TENM2: variants seen among roughly 807,000 people sequenced by gnomAD.
TENM2 encodes the protein teneurin-2.
In TENM2, 52 loss-of-function variants were observed where a neutral mutation model predicts 245.2. The ratio of observed to expected loss-of-function variants is 0.21; its 90% CI spans 0.17 to 0.27. The LOEUF (loss-of-function observed/expected upper bound fraction) is 0.27, where lower values mean the gene tolerates loss of function less well. Among genes scored for constraint, TENM2 ranks in the 10% least tolerant of loss-of-function variants. TENM2 has a pLI of 1.00. For missense variants in TENM2, 3,046 were observed against 3,666.8 expected (o/e 0.83, Z 4.37); for synonymous variants, 1,363 against 1,438.9 (o/e 0.95, Z 1.19).
At chr5:167,720,170 G>A (rs945554657) in intron 2 of TENM2, among the ~76,000 whole-genome samples, 10 of 151,970 alleles carry the variant, frequency 6.6e-5, no homozygotes, top group South Asian at 2.1e-4. Context: ...ACAAAACACG[G>A]GACAGGAAAC....
At chr5:168,255,797 T>C (rs1224241382) in intron 27 of TENM2, among the ~76,000 whole-genome samples, 1 of 152,044 alleles carries the variant, frequency 6.6e-6, no homozygotes, top group African/African-American at 2.4e-5. Context: ...AATTTATTTT[T>C]TATTTATTTA....
chr5:167,052,766 C>CT, the TENM2 span, among the ~76,000 whole-genome samples: 85 of 142,696 alleles, frequency 6.0e-4, no homozygotes, highest in Middle Eastern at 3.7e-3. Context: ...TATGAGTTTT[C>CT]TTTTTTTTTT....
chr5:168,116,655 AC>A (rs1335311504), intron 9 of TENM2, among the ~76,000 whole-genome samples: 1 of 152,238 alleles, frequency 6.6e-6, no homozygotes, highest in Admixed American at 6.5e-5. Context: ...ACAATGATAA[AC>A]ATAGTCCCTG....
intron 28 of TENM2, among the ~76,000 whole-genome samples, chr5:168,261,592 TA>T (rs1205071916): frequency 6.6e-6 from 1 of 152,220 alleles, no homozygotes; most frequent in Non-Finnish European, 1.5e-5. Flanking sequence ...CCAGGAAATC[TA>T]GCTTACAGTG....
the TENM2 span, among the ~76,000 whole-genome samples, chr5:167,088,581 C>T: frequency 2.0e-5 from 3 of 151,432 alleles, no homozygotes; most frequent in Non-Finnish European, 4.4e-5. Context: ...GAGCAGAGAT[C>T]GGGCCACTGC....
chr5:167,456,824 C>T (rs941525273), intron 2 of TENM2, among the ~76,000 whole-genome samples: 1 of 152,172 alleles, frequency 6.6e-6, no homozygotes, highest in Admixed American at 6.5e-5. Context: ...TCATCAGGTT[C>T]AGGCAGATAA....
intron 3 of TENM2, among the ~76,000 whole-genome samples, chr5:167,950,593 T>C (rs527562215): frequency 6.4e-4 from 98 of 152,154 alleles, no homozygotes; most frequent in African/African-American, 2.2e-3. Flanking sequence ...TGGGGAATAA[T>C]GACACCACTT....
chr5:167,163,208 T>A, the TENM2 span, among the ~76,000 whole-genome samples: 1 of 152,156 alleles, frequency 6.6e-6, no homozygotes, highest in Non-Finnish European at 1.5e-5. Flanking sequence ...GCTCCATTGG[T>A]CCTTTGCTTC....
intron 2 of TENM2, among the ~76,000 whole-genome samples, chr5:167,555,450 C>T (rs945765997): frequency 1.4e-4 from 18 of 124,918 alleles, no homozygotes; most frequent in Admixed American, 4.6e-4. Context: ...CCCTACTGTC[C>T]GTTAAACCCT....
At chr5:167,142,487 A>G in the TENM2 span, among the ~76,000 whole-genome samples, 8 of 151,620 alleles carry the variant, frequency 5.3e-5, no homozygotes, top group Non-Finnish European at 8.8e-5. Flanking sequence ...ATAAATATAA[A>G]TAAAATAAAG....
chr5:167,490,220 C>T (rs1278374942), intron 2 of TENM2, among the ~76,000 whole-genome samples: 1 of 152,038 alleles, frequency 6.6e-6, no homozygotes. Flanking sequence ...TTATTAAATT[C>T]TTGTCAACTT....
chr5:167,025,045 C>T, the TENM2 span, among the ~76,000 whole-genome samples: 2 of 152,104 alleles, frequency 1.3e-5, no homozygotes, highest in African/African-American at 4.8e-5. Context: ...TATCCAGCTT[C>T]CAGTTGATTC....
At chr5:167,883,009 T>C (rs1773999640) in intron 3 of TENM2, among the ~76,000 whole-genome samples, 1 of 152,158 alleles carries the variant, frequency 6.6e-6, no homozygotes, top group Non-Finnish European at 1.5e-5. Context: ...CTCTGTATAG[T>C]GTGGATTTCA....
At chr5:167,281,280 T>C (rs1257247308), upstream of TENM2, among the ~76,000 whole-genome samples, 1 of 151,488 alleles carries the variant, frequency 6.6e-6, no homozygotes, top group Admixed American at 6.6e-5. Context: ...GCTATTTTTT[T>C]TTTTTTTTGC....
intron 2 of TENM2, among the ~76,000 whole-genome samples, chr5:167,424,250 A>C (rs924586249): frequency 2.0e-5 from 3 of 152,076 alleles, no homozygotes; most frequent in Non-Finnish European, 4.4e-5. Flanking sequence ...AGGCAGAATA[A>C]ATCAGTTCCT....
intron 2 of TENM2, among the ~76,000 whole-genome samples, chr5:167,624,125 A>G (rs934992146): frequency 6.6e-6 from 1 of 152,196 alleles, no homozygotes; most frequent in Non-Finnish European, 1.5e-5. Context: ...CTGCACTCAT[A>G]TATTTATTGC....
chr5:167,522,055 C>G (rs1452240434), intron 2 of TENM2, among the ~76,000 whole-genome samples: 1 of 152,098 alleles, frequency 6.6e-6, no homozygotes, highest in East Asian at 1.9e-4. Flanking sequence ...GACATATTCT[C>G]TTTCATTTCT....
chr5:167,263,263 T>C, the TENM2 span, among the ~76,000 whole-genome samples: 3 of 152,166 alleles, frequency 2.0e-5, no homozygotes, highest in African/African-American at 7.2e-5. Context: ...TTTCTCCTTA[T>C]AATGCTAGCC....
chr5:167,845,237 C>T (rs1468161203), intron 2 of TENM2, among the ~76,000 whole-genome samples: 3 of 81,968 alleles, frequency 3.7e-5, no homozygotes, highest in African/African-American at 8.8e-5. Context: ...CCCCCTCCCG[C>T]GCCACACACA....
Sources: allele counts gnomAD v4.1 joint callset (sites outside exome capture counted in the v4.1 genomes callset), GRCh38; gene constraint gnomAD v4.1.1; transcripts MANE v1.5; gene names NCBI Gene and HGNC (gene_info 2026-07-23, HGNC 2026-07-21).